Variants in LRRIQ1 observed in about 807,000 individuals in gnomAD.
LRRIQ1 encodes leucine-rich repeat- and IQ domain-containing protein 1.
Under a neutral mutation model 211.9 loss-of-function variants are expected in LRRIQ1, and 210 were observed. That is an observed-to-expected ratio of 0.99 (90% CI 0.89 to 1.11). The LOEUF is 1.11. Among genes scored for constraint, LRRIQ1 ranks in the 50% most tolerant of loss-of-function variants. The pLI, the probability that LRRIQ1 is intolerant of heterozygous loss-of-function variation, is 0.00. For missense variants in LRRIQ1, 2,136 were observed against 1,939.5 expected (o/e 1.10, Z -1.90); for synonymous variants, 699 against 650.1 (o/e 1.08, Z -1.14).
At chr12:85,203,643 G>A (rs1280020575) in intron 24 of LRRIQ1, among the ~76,000 whole-genome samples, 1 of 152,124 alleles carries the variant, frequency 6.6e-6, no homozygotes. Context: ...TTATGTTTTA[G>A]CAAAGAGACT....
rs1890524339 is a variant in LRRIQ1 at position 85,156,000 on chromosome 12, G to T, written c.4720+1906G>T. ...ATCAGTCACAAGGGGGCATGACAGG[G>T]TAACAAATGAAAGAAAGTAACCAGA... On this transcript the variant is annotated intron_variant, in intron 23 of 26. Transcript: ENST00000393217. Among the ~76,000 whole-genome samples, 3 of 151,698 alleles carry T rather than the reference G, an allele frequency of 2.0e-5. No homozygotes were observed. In the South Asian group the frequency reaches 6.2e-4, roughly 31 times the overall value.
chr12:85,085,758 A>C (rs1026376706), intron 11 of LRRIQ1, among the ~76,000 whole-genome samples: 1 of 152,192 alleles, frequency 6.6e-6, no homozygotes, highest in East Asian at 1.9e-4. Flanking sequence ...ATTACTGCAG[A>C]GGACATGGTT....
chr12:85,157,106 A>G (rs1272974591), intron 23 of LRRIQ1, among the ~76,000 whole-genome samples: 1 of 151,942 alleles, frequency 6.6e-6, no homozygotes, highest in Non-Finnish European at 1.5e-5. Flanking sequence ...CAGAGGGTCA[A>G]TTAATTTAAG....
chr12:85,196,457 T>C (rs896394012), intron 24 of LRRIQ1, among the ~76,000 whole-genome samples: 1 of 152,068 alleles, frequency 6.6e-6, no homozygotes, highest in Non-Finnish European at 1.5e-5. Flanking sequence ...CAAAACAGCA[T>C]GGTACTGGTA....
intron 24 of LRRIQ1, among the ~76,000 whole-genome samples, chr12:85,216,526 ATAG>A (rs1894096347): frequency 6.6e-6 from 1 of 150,538 alleles, no homozygotes; most frequent in African/African-American, 2.4e-5. Flanking sequence ...TTTATATTTC[ATAG>A]TATATTTATA....
rs761015410 is a variant in LRRIQ1, at chr12:85,229,543, G to A, written c.4849G>A (p.Asp1617Asn). ...TATAGAAGAAGACCCTATCCACAAA[G>A]ATACCACTGCAAATGAAAAATTAGA... Reference protein sequence around the residue: ...EGIEEDPIHKDTTANEKLERN... With the variant: ...EGIEEDPIHKNTTANEKLERN... The change falls in exon 25 of 27, where the codon GAT (aspartate) becomes AAT (asparagine). Residue 1617 changes from aspartate (D) to asparagine (N), a missense_variant. Coordinates refer to ENST00000393217, the MANE Select transcript of LRRIQ1 (RefSeq NM_001079910.2). The A allele has an allele frequency of 6.2e-7, 1 of 1,611,994 alleles. No homozygotes were observed. Among genetic ancestry groups the A allele is most frequent in the Non-Finnish European group, 8.5e-7 (1 of 1,178,942 alleles).
chr12:85,046,002 A>C lies in LRRIQ1; in HGVS notation c.337-18A>C. Reference sequence around the variant, plus strand: ...ATTTTGATTTTCTTTAATCATTGGTACTCATTTAACCTCTTAGATATTATC... The same window carrying C: ...ATTTTGATTTTCTTTAATCATTGGTCCTCATTTAACCTCTTAGATATTATC... On this transcript the variant is annotated intron_variant, in intron 4 of 26. Transcript: ENST00000393217. The C allele has an allele frequency of 1.5e-6, 2 of 1,363,596 alleles. No homozygotes were observed. Among genetic ancestry groups the C allele is most frequent in the South Asian group, 1.2e-5 (1 of 81,184 alleles). 84.5% of individuals were successfully genotyped at this position (1,363,596 alleles called of 1,614,324 possible).
rs115971273 is a variant in LRRIQ1 at position 85,186,430 on chromosome 12, C to T, written c.4822+25716C>T. On this transcript the variant is annotated intron_variant, in intron 24 of 26. Transcript: ENST00000393217. Reference sequence around the variant, plus strand: ...GATATGGTGACATTGCTTCTGTTGCCTCGATTGTGACCTCTGATTGCATGG... The same window carrying T: ...GATATGGTGACATTGCTTCTGTTGCTTCGATTGTGACCTCTGATTGCATGG... 3.7e-3 allele frequency among the ~76,000 whole-genome samples: 569 copies of T among 152,194 alleles called. 4 individuals are homozygous for T. Among genetic ancestry groups the T allele is most frequent in the African/African-American group, 0.013 (530 of 41,548 alleles).
In LRRIQ1 at chr12:85,057,086, G is replaced by A; in HGVS notation, c.2293G>A (p.Val765Ile). The A allele has an allele frequency of 2.5e-6, 4 of 1,608,200 alleles. No homozygotes were observed. Among genetic ancestry groups the A allele is most frequent in the Non-Finnish European group, 3.4e-6 (4 of 1,178,116 alleles). The change falls in exon 8 of 27, where the codon GTT (valine) becomes ATT (isoleucine). Residue 765 changes from valine (V) to isoleucine (I), a missense_variant. By Grantham distance (29) the Val-to-Ile change is conservative (BLOSUM62 3). Coordinates refer to ENST00000393217, the MANE Select transcript of LRRIQ1 (RefSeq NM_001079910.2). ...CAAGCAAAATCAACAAAAGAAAATT[G>A]TTAGAAGAAAGAGACCTGTGAAATG... ...IFKQNQQKKI[V>I]RRKRPVKCPA...
At chr12:85,076,266 T>C (rs1883641145) in intron 11 of LRRIQ1, among the ~76,000 whole-genome samples, 1 of 151,956 alleles carries the variant, frequency 6.6e-6, no homozygotes, top group Admixed American at 6.6e-5. Flanking sequence ...TTTAATATCA[T>C]AGTGATATAC....
At chr12:85,051,172 CCTCT>C (rs148108462) in intron 6 of LRRIQ1, among the ~76,000 whole-genome samples, 60 of 147,278 alleles carry the variant, frequency 4.1e-4, no homozygotes, top group East Asian at 1.6e-3. Flanking sequence ...AGCACTTTCT[CCTCT>C]CTCTCTCTCT....
intron 26 of LRRIQ1, among the ~76,000 whole-genome samples, chr12:85,236,017 A>G (rs1895156986): frequency 6.6e-6 from 1 of 152,170 alleles, no homozygotes; most frequent in Admixed American, 6.5e-5. Context: ...GAATAGATCT[A>G]TGACTCTGTA....
At chr12:85,205,457 C>A (rs909443650) in intron 24 of LRRIQ1, among the ~76,000 whole-genome samples, 10 of 152,156 alleles carry the variant, frequency 6.6e-5, no homozygotes, top group Admixed American at 6.5e-5. Context: ...AGGGTTTCTC[C>A]TGAAAGGTCT....
At chr12:85,140,485 AGATT>A (rs1015194908) in intron 19 of LRRIQ1, among the ~76,000 whole-genome samples, 1 of 151,376 alleles carries the variant, frequency 6.6e-6, no homozygotes, top group African/African-American at 2.4e-5. Context: ...TAATTTTAAT[AGATT>A]ATCTGTCAAA....
At chr12:85,257,511 AT>A (rs771594447) in intron 1 of LRRIQ1, among the ~76,000 whole-genome samples, 49 of 151,526 alleles carry the variant, frequency 3.2e-4, no homozygotes, top group Middle Eastern at 3.4e-3. Context: ...TAGCTTATGG[AT>A]TGTTAAATTG....
At chr12:85,243,145 A>C (rs2137265739) in intron 26 of LRRIQ1, among the ~76,000 whole-genome samples, 1 of 150,060 alleles carries the variant, frequency 6.7e-6, no homozygotes, top group East Asian at 1.9e-4. Context: ...CTTGTTACCT[A>C]AGTAGCCTCT....
downstream of LRRIQ1, among the ~76,000 whole-genome samples, chr12:85,247,083 A>G (rs542707736): frequency 1.3e-5 from 2 of 151,734 alleles, no homozygotes; most frequent in East Asian, 3.9e-4. Context: ...TATAAGAAGC[A>G]TCTTTTGGGC....
At chr12:85,036,538 C>G (rs1240736738) in intron 1 of LRRIQ1, 131 bp downstream of exon 1, 1 of 152,260 alleles carries the variant, frequency 6.6e-6, no homozygotes, top group Non-Finnish European at 1.5e-5. Context: ...CAGGGGATGG[C>G]TGTGCGACTC....
intron 1 of LRRIQ1, among the ~76,000 whole-genome samples, chr12:85,036,674 A>T (rs866376794): frequency 1.3e-5 from 2 of 151,046 alleles, no homozygotes; most frequent in South Asian, 2.1e-4. Context: ...AAACCAATTG[A>T]CGTTATTTTC....
Sources: gnomAD v4.1 joint callset for allele counts (sites outside exome capture counted in the v4.1 genomes callset) on GRCh38, gnomAD v4.1.1 for gene constraint, MANE v1.5 for transcripts, NCBI Gene and HGNC (gene_info 2026-07-23, HGNC 2026-07-21) for gene names.